Variants in MTO1 observed in about 807,000 individuals in gnomAD.
MTO1 encodes the protein 5-taurinomethyluridine-[tRNA] synthase subunit MTO1, mitochondrial.
MTO1 carries 46 observed loss-of-function variants against 71.6 expected under a neutral mutation model. That is an observed-to-expected ratio of 0.64 (90% CI 0.51 to 0.82). The LOEUF (loss-of-function observed/expected upper bound fraction) is 0.82. Among genes scored for constraint, MTO1 ranks in the 40% least tolerant of loss-of-function variants. The pLI is 0.00. For synonymous variants in MTO1, 297 were observed against 312.1 expected, an observed-to-expected ratio of 0.95 and a Z score of 0.51; for missense variants, 773 against 867.5, an observed-to-expected ratio of 0.89 and a Z score of 1.37.
intron 4 of MTO1, among the ~76,000 whole-genome samples, chr6:73,476,734 A>G (rs751522066): frequency 6.6e-6 from 1 of 152,032 alleles, no homozygotes; most frequent in African/African-American, 2.4e-5. Flanking sequence ...ATCCTTTTAT[A>G]TAACCCTTAT....
chr6:73,480,688 G>A lies in MTO1; in HGVS notation c.1143G>A (p.Gln381=). 1 of 1,613,912 alleles carries A rather than the reference G, an allele frequency of 6.2e-7. No individual in the cohort carries two copies. Among genetic ancestry groups the A allele is most frequent in the South Asian group, 1.1e-5 (1 of 91,074 alleles). Reference sequence around the variant, plus strand: ...TTCTTTGGTCAGGCTACGGTGTTCAGTATGATTACTTAGATCCCCGTCAGA... The same window carrying A: ...TTCTTTGGTCAGGCTACGGTGTTCAATATGATTACTTAGATCCCCGTCAGA... ...AKVIQPGYGV[Q]YDYLDPRQIT... is the part of the protein sequence containing the mutation. The change falls in exon 7 of 12, where the codon CAG becomes CAA. Residue 381 remains glutamine (Q), a synonymous_variant. Coordinates refer to ENST00000498286, the MANE Select transcript of MTO1 (RefSeq NM_012123.4).
At chr6:73,492,181 C>G in intron 9 of MTO1, 53 bp from the exon 10 acceptor site, 1 of 1,062,834 alleles carries the variant, frequency 9.4e-7, no homozygotes, top group Admixed American at 1.9e-5. Context: ...TGTTCTTGAT[C>G]TGCCTTATAT....
chr6:73,494,775 C>CTT (rs532648226), intron 10 of MTO1, among the ~76,000 whole-genome samples: 51 of 131,458 alleles, frequency 3.9e-4, no homozygotes, highest in South Asian at 1.5e-3. Flanking sequence ...TGCTCCTGGC[C>CTT]TTTTTTTTTT....
Position 73,480,052 on chromosome 6 carries a change from C to T in MTO1, c.1055C>T (p.Thr352Met), listed in dbSNP as rs775003861. 8.7e-6 allele frequency: 14 copies of T among 1,613,988 alleles called. No individual in the cohort carries two copies. Among genetic ancestry groups the T allele is most frequent in the East Asian group, 2.2e-5 (1 of 44,888 alleles). ...DLIYPQGLSM[T>M]LPAELQEKMI... ...ATCTACCCACAGGGGTTATCTATGA[C>T]GCTACCAGCTGAGTTACAAGAGAAA... Residue 352 changes from threonine (T) to methionine (M), a missense_variant, in exon 6 of 12, where the codon ACG (threonine) becomes ATG (methionine). Coordinates refer to ENST00000498286, the MANE Select transcript of MTO1 (RefSeq NM_012123.4).
At chr6:73,462,231 G>A (rs1770844850) in intron 1 of MTO1, 160 bp downstream of exon 1, 2 of 762,812 alleles carry the variant, frequency 2.6e-6, no homozygotes, top group Non-Finnish European at 4.2e-6. Flanking sequence ...AGGATCAGGC[G>A]GGCCAGGCCA....
At chr6:73,462,273 A>G (rs888582441) in intron 1 of MTO1, 2 of 610,470 alleles carry the variant, frequency 3.3e-6, no homozygotes, top group East Asian at 2.8e-5. Flanking sequence ...TGCGAACCAT[A>G]GATTATGCTG....
intron 10 of MTO1, among the ~76,000 whole-genome samples, chr6:73,492,995 T>TGTGTGTG (rs540252865): frequency 1.4e-5 from 1 of 73,308 alleles, no homozygotes; most frequent in South Asian, 6.1e-4. Context: ...TGTGTGTGTA[T>TGTGTGTG]TTTTTTTTTT....
chr6:73,488,754 CA>C (rs879380192), intron 9 of MTO1, among the ~76,000 whole-genome samples: 2,106 of 132,940 alleles, frequency 0.016, 40 homozygotes, highest in African/African-American at 0.046. Flanking sequence ...ACCAAAAATA[CA>C]AAAAAAAAAA....
intron 3 of MTO1, among the ~76,000 whole-genome samples, chr6:73,469,165 C>T (rs1257222112): frequency 1.3e-5 from 2 of 152,070 alleles, no homozygotes; most frequent in African/African-American, 4.8e-5. Flanking sequence ...CTACCACACC[C>T]AGCTTATTTT....
intron 11 of MTO1, among the ~76,000 whole-genome samples, chr6:73,498,948 C>T (rs1185203255): frequency 6.6e-6 from 1 of 152,066 alleles, no homozygotes; most frequent in South Asian, 2.1e-4. Context: ...GGGATGGTCT[C>T]GATCTCCTGA....
intron 4 of MTO1, among the ~76,000 whole-genome samples, chr6:73,477,393 C>CAAAAAAAAAAAAAAA (rs34672070): frequency 1.4e-5 from 1 of 73,202 alleles, no homozygotes; most frequent in Non-Finnish European, 2.6e-5. Flanking sequence ...GACTATGTCT[C>CAAAAAAAAAAAAAAA]AAAAAAAAAA....
intron 10 of MTO1, among the ~76,000 whole-genome samples, chr6:73,494,530 C>G (rs1044812049): frequency 7.1e-6 from 1 of 140,926 alleles, no homozygotes; most frequent in African/African-American, 2.7e-5. Flanking sequence ...AGGCTGGATT[C>G]CAGTGGCGCA....
chr6:73,479,895 T>C (rs1179698636), intron 5 of MTO1, 41 bp from the exon 6 acceptor site: 1 of 1,603,584 alleles, frequency 6.2e-7, no homozygotes, highest in South Asian at 1.1e-5. Flanking sequence ...ACGTCAATCC[T>C]CTTTTGTTCA....
rs1772350976 is a variant in MTO1 at position 73,508,726 on chromosome 6, C to T, written c.*7991C>T. 6.6e-6 allele frequency: 1 copy of T among 151,992 alleles called. No individual in the cohort carries two copies. Among genetic ancestry groups the T allele is most frequent in the African/African-American group, 2.4e-5 (1 of 41,370 alleles). 9.4% of individuals were successfully genotyped at this position (151,992 alleles called of 1,614,324 possible). On this transcript the variant is annotated 3_prime_UTR_variant, in exon 12 of 12. Coordinates refer to ENST00000498286, the MANE Select transcript of MTO1 (RefSeq NM_012123.4). The stretch of plus-strand genomic sequence containing the variant: ...AGCTATGAGAAAACATTCTTTGTAC[C>T]CAACCATAAATGAATAAAAATCACC...
In MTO1 at chr6:73,492,342, G is replaced by T; in HGVS notation, c.1746G>T (p.Leu582=). 1 of 1,602,708 alleles carries T rather than the reference G, an allele frequency of 6.2e-7. No homozygotes were observed. Among genetic ancestry groups the T allele is most frequent in the Non-Finnish European group, 8.5e-7 (1 of 1,169,846 alleles). ...YTKCRELAER[L]KIEATYESVL... ...AATGTAGAGAGCTGGCTGAAAGACT[G>T]AAAATAGAAGGTAGAAAATAATTTT... is the stretch of plus-strand genomic sequence containing the variant. Residue 582 remains leucine (L), a synonymous_variant, in exon 10 of 12, where the codon CTG becomes CTT. Coordinates refer to ENST00000498286, the MANE Select transcript of MTO1 (RefSeq NM_012123.4).
intron 11 of MTO1, among the ~76,000 whole-genome samples, chr6:73,499,488 T>C (rs1446974199): frequency 2.1e-5 from 3 of 144,224 alleles, no homozygotes; most frequent in East Asian, 4.0e-4. Context: ...TACCACTACA[T>C]CCCAGCCTGG....
rs1554147538 is a variant in MTO1 at position 73,464,859 on chromosome 6, A to AAC, written c.218-1349_218-1348insCA. Among the ~76,000 whole-genome samples the AAC allele has an allele frequency of 6.5e-3, 883 of 135,852 alleles. 45 individuals carry two copies. The highest frequency in any genetic ancestry group is 0.024 in the African/African-American group (819 of 34,712). 89.1% of individuals were successfully genotyped at this position (135,852 alleles called of 152,430 possible). ...TCAAAAAAAAAAAAAAAAAAAAAAA[A>AAC]AACTTTTGGAGGTCTTGATTCTTGA... On this transcript the variant is annotated intron_variant, in intron 1 of 11. Transcript: ENST00000498286.
chr6:73,479,268 G>A (rs1401820951), intron 4 of MTO1, among the ~76,000 whole-genome samples: 1 of 151,966 alleles, frequency 6.6e-6, no homozygotes, highest in South Asian at 2.1e-4. Context: ...GCTGAGGCAG[G>A]TGGATCGCCT....
At chr6:73,476,790 AT>A (rs879559677) in intron 4 of MTO1, among the ~76,000 whole-genome samples, 1,762 of 142,798 alleles carry the variant, frequency 0.012, 22 homozygotes, top group African/African-American at 0.038. Context: ...TAAAATTTAA[AT>A]TTTTTTTTTT....
Sources: allele counts gnomAD v4.1 joint callset (sites outside exome capture counted in the v4.1 genomes callset), GRCh38; gene constraint gnomAD v4.1.1; transcripts MANE v1.5; gene names NCBI Gene and HGNC (gene_info 2026-07-23, HGNC 2026-07-21).